The following JAKMIP1 variants were observed in gnomAD, a reference collection of about 807,000 sequenced individuals.
The protein encoded by JAKMIP1 is janus kinase and microtubule-interacting protein 1.
Under a neutral mutation model 113.0 loss-of-function variants are expected in JAKMIP1, and 33 were observed. The ratio of observed to expected loss-of-function variants is 0.29; its 90% CI spans 0.22 to 0.39. JAKMIP1 has a LOEUF of 0.39. Ranked by LOEUF, JAKMIP1 falls within the 10% of genes least tolerant of loss-of-function variation. JAKMIP1 has a pLI of 1.00. For missense variants in JAKMIP1, 813 were observed against 1,080.5 expected, an observed-to-expected ratio of 0.75 and a Z score of 3.47; for synonymous variants, 480 against 459.9, an observed-to-expected ratio of 1.04 and a Z score of -0.56.
chr4:6,178,010 T>C lies in JAKMIP1; in HGVS notation c.-148+22243A>G, dbSNP rs1379386810. On this transcript the variant is annotated intron_variant, in intron 1 of 20. Coordinates refer to ENST00000409021, the MANE Select transcript of JAKMIP1 (RefSeq NM_001099433.2). This position sits in a 1 kb window ranked among gnomAD's most constrained non-coding sequence, Gnocchi z 5.5. ...GGCTTCACTTCCGGCTGCAGGCTTTTAAAGTCAAACATGACTCCTCCCTTT... is the reference window on the plus strand; with the variant it reads ...GGCTTCACTTCCGGCTGCAGGCTTTCAAAGTCAAACATGACTCCTCCCTTT... Among the ~76,000 whole-genome samples, 4 of 152,204 alleles carry C rather than the reference T, an allele frequency of 2.6e-5. No individual in the cohort carries two copies. The highest frequency in any genetic ancestry group is 5.9e-5 in the Non-Finnish European group (4 of 68,036).
chr4:6,081,468 T>C lies in JAKMIP1; in HGVS notation c.1101+141A>G. The C allele has an allele frequency of 1.1e-6, 1 of 882,352 alleles. No individual in the cohort carries two copies. Among genetic ancestry groups the C allele is most frequent in the Non-Finnish European group, 1.8e-6 (1 of 566,772 alleles). 54.7% of individuals were successfully genotyped at this position (882,352 alleles called of 1,614,324 possible). On this transcript the variant is annotated intron_variant, in intron 6 of 20. Transcript: ENST00000409021. This position sits in a 1 kb window ranked among gnomAD's most constrained non-coding sequence, Gnocchi z 4.6. ...GGTGGAGAGAAAGGCGAGACATCTG[T>C]GACTGACACTGTGCCTGGTGCTTTG... is the stretch of plus-strand genomic sequence containing the variant.
chr4:6,052,841 A>G (rs1474420725), intron 13 of JAKMIP1, among the ~76,000 whole-genome samples: 1 of 152,118 alleles, frequency 6.6e-6, no homozygotes, highest in African/African-American at 2.4e-5. Flanking sequence ...CATAACTTCC[A>G]ATTCTGTCGC....
chr4:6,136,009 G>A lies in JAKMIP1; in HGVS notation c.-147-23012C>T, dbSNP rs906733650. On this transcript the variant is annotated intron_variant, in intron 1 of 20. Transcript: ENST00000409021. This position sits in a 1 kb window ranked among gnomAD's most constrained non-coding sequence, Gnocchi z 5.9. ...ACCTGTAATCCCAGCACTTTGAGAG[G>A]CCAAGGTGGGTGGATCACTTGAGGT... 6.6e-6 allele frequency among the ~76,000 whole-genome samples: 1 copy of A among 152,144 alleles called. No homozygotes were observed. The highest frequency in any genetic ancestry group is 2.4e-5 in the African/African-American group (1 of 41,422).
At chr4:6,172,211 G>C (rs1204047969) in intron 1 of JAKMIP1, among the ~76,000 whole-genome samples, 1 of 152,230 alleles carries the variant, frequency 6.6e-6, no homozygotes, top group Non-Finnish European at 1.5e-5. Context: ...CAGGGCAAAG[G>C]ATGCTTTCCT....
Position 6,080,326 on chromosome 4 carries a change from G to A in JAKMIP1, c.1102-14C>T, listed in dbSNP as rs1388137449. ...CAGCTTTTCTTTCTGCAGCCACAGGGAGACAGACCACCACAGGGTTACCCG... is the reference window on the plus strand; with the variant it reads ...CAGCTTTTCTTTCTGCAGCCACAGGAAGACAGACCACCACAGGGTTACCCG... On this transcript the variant is annotated splice_polypyrimidine_tract_variant and intron_variant, in intron 6 of 20. Coordinates refer to ENST00000409021, the MANE Select transcript of JAKMIP1 (RefSeq NM_001099433.2). This position sits in a 1 kb window ranked among gnomAD's most constrained non-coding sequence, Gnocchi z 6.0. The A allele has an allele frequency of 6.8e-6, 11 of 1,612,640 alleles. No individual in the cohort carries two copies. The highest frequency in any genetic ancestry group is 8.5e-6 in the Non-Finnish European group (10 of 1,179,304).
intron 19 of JAKMIP1, among the ~76,000 whole-genome samples, chr4:6,030,548 A>G (rs945340120): frequency 1.1e-4 from 16 of 152,216 alleles, no homozygotes; most frequent in Admixed American, 1.0e-3. Context: ...CCGTTTCCAG[A>G]TCTTCATGTG....
chr4:6,130,438 A>G (rs181586942), intron 1 of JAKMIP1, among the ~76,000 whole-genome samples: 2 of 152,062 alleles, frequency 1.3e-5, no homozygotes, highest in Admixed American at 6.5e-5. Flanking sequence ...CACAGCAAAA[A>G]CCTCCACAGG....
rs961001276 is a variant in JAKMIP1 at position 6,061,663 on chromosome 4, T to A, written c.1560+649A>T. ...TTCGGAAGATCGGGTTAATTCCTCC[T>A]GCTTCAGGGGGCCAGTGTGGGGGTG... On this transcript the variant is annotated intron_variant, in intron 10 of 20. Transcript: ENST00000409021. This position sits in a 1 kb window ranked among gnomAD's most constrained non-coding sequence, Gnocchi z 5.3. Among the ~76,000 whole-genome samples the A allele has an allele frequency of 7.1e-6, 1 of 140,362 alleles. No individual in the cohort carries two copies. Among genetic ancestry groups the A allele is most frequent in the Non-Finnish European group, 1.5e-5 (1 of 64,802 alleles). 92.1% of individuals were successfully genotyped at this position (140,362 alleles called of 152,430 possible).
At chr4:6,082,630 G>A (rs1720749202) in intron 5 of JAKMIP1, among the ~76,000 whole-genome samples, 1 of 152,060 alleles carries the variant, frequency 6.6e-6, no homozygotes, top group Admixed American at 6.5e-5. Context: ...AGCCTCCCAA[G>A]TAGCTGGAAC....
rs562525919 is a variant in JAKMIP1, at chr4:6,064,716, G to A, written c.1431+164C>T. ...CATGGAGCCCACAGCTGTGGGGCCC[G>A]CCTTCCCTTCACACCATTGGCTTTG... On this transcript the variant is annotated intron_variant, in intron 9 of 20. Transcript: ENST00000409021. This position sits in a 1 kb window ranked among gnomAD's most constrained non-coding sequence, Gnocchi z 4.3. 2.6e-5 allele frequency among the ~76,000 whole-genome samples: 4 copies of A among 152,204 alleles called. No individual in the cohort carries two copies. The highest frequency in any genetic ancestry group is 1.9e-4 in the East Asian group (1 of 5,164).
intron 4 of JAKMIP1, 95 bp downstream of exon 4, chr4:6,085,325 C>A (rs1721141078): frequency 4.8e-5 from 49 of 1,015,144 alleles, no homozygotes; most frequent in Non-Finnish European, 6.2e-5. Context: ...TGAGTGAATA[C>A]ATGCCACCTC....
chr4:6,111,510 C>G (rs1325048945), intron 2 of JAKMIP1, among the ~76,000 whole-genome samples: 2 of 152,210 alleles, frequency 1.3e-5, no homozygotes, highest in Non-Finnish European at 2.9e-5. Flanking sequence ...TTTATTGCAT[C>G]CATTAATCAG....
rs957927559 is a variant in JAKMIP1 at position 6,036,115 on chromosome 4, C to T, written c.2176-8G>A. 14 of 1,539,454 alleles carry T rather than the reference C, an allele frequency of 9.1e-6. No individual in the cohort carries two copies. The Admixed American group carries it at 1.2e-4, about 13-fold the overall frequency. On this transcript the variant is annotated splice_polypyrimidine_tract_variant and splice_region_variant and intron_variant, in intron 18 of 20. Coordinates refer to ENST00000409021, the MANE Select transcript of JAKMIP1 (RefSeq NM_001099433.2). ...CTCCAGGTCTTGGATTTTCTGAGGA[C>T]CCCAGATCACACAGACAGAGGAAGG...
intron 12 of JAKMIP1, 128 bp from the exon 13 acceptor site, chr4:6,054,276 G>T: frequency 1.2e-6 from 1 of 820,706 alleles, no homozygotes; most frequent in Non-Finnish European, 2.0e-6. Flanking sequence ...GCAGGAGAGG[G>T]CAGGGTTTGC....
chr4:6,198,592 G>T (rs893998652), intron 1 of JAKMIP1, among the ~76,000 whole-genome samples: 2 of 152,204 alleles, frequency 1.3e-5, no homozygotes, highest in African/African-American at 4.8e-5. Flanking sequence ...AATTACCCCA[G>T]ACTCCAGAGC....
intron 2 of JAKMIP1, among the ~76,000 whole-genome samples, chr4:6,110,775 G>A (rs911405040): frequency 1.1e-4 from 17 of 150,726 alleles, no homozygotes; most frequent in African/African-American, 4.1e-4. Flanking sequence ...CCTCAGGCAG[G>A]GGTGGTGGTG....
rs1460978614 is a variant in JAKMIP1, at chr4:6,112,918, C to T, written c.-68G>A. On this transcript the variant is annotated 5_prime_UTR_variant, in exon 2 of 21. Coordinates refer to ENST00000409021, the MANE Select transcript of JAKMIP1 (RefSeq NM_001099433.2). Reference sequence around the variant, plus strand: ...CTGTTCACGCACGCCAGCCAGCAGGCGTGGCTACCAGCTCCACCGTGCTAA... The same window carrying T: ...CTGTTCACGCACGCCAGCCAGCAGGTGTGGCTACCAGCTCCACCGTGCTAA... The T allele has an allele frequency of 1.7e-5, 27 of 1,569,188 alleles. No individual in the cohort carries two copies. The highest frequency in any genetic ancestry group is 1.7e-4 in the Middle Eastern group (1 of 5,812).
intron 3 of JAKMIP1, among the ~76,000 whole-genome samples, chr4:6,100,106 C>T (rs1375540174): frequency 2.6e-5 from 4 of 152,116 alleles, no homozygotes; most frequent in African/African-American, 9.7e-5. Flanking sequence ...TTGTTTTAAA[C>T]ATTTTAGAGT....
At chr4:6,189,761 G>A (rs752770945) in intron 1 of JAKMIP1, among the ~76,000 whole-genome samples, 2 of 152,206 alleles carry the variant, frequency 1.3e-5, no homozygotes, top group Non-Finnish European at 1.5e-5. Flanking sequence ...GGCCCAGCCT[G>A]GGGATGGAGT....
Sources: gnomAD v4.1 joint callset for allele counts (sites outside exome capture counted in the v4.1 genomes callset) on GRCh38, gnomAD v4.1.1 for gene constraint, Gnocchi (gnomAD v3.1) non-coding constraint, MANE v1.5 for transcripts, NCBI Gene and HGNC (gene_info 2026-07-23, HGNC 2026-07-21) for gene names.